EPB41L5: variants seen among roughly 807,000 people sequenced by gnomAD.
EPB41L5 encodes band 4.1-like protein 5.
EPB41L5 carries 55 observed loss-of-function variants against 106.6 expected under a neutral mutation model. The ratio of observed to expected loss-of-function variants is 0.52; its 90% CI spans 0.42 to 0.65. EPB41L5 has a LOEUF of 0.65. Ranked by LOEUF, EPB41L5 falls within the 30% of genes least tolerant of loss-of-function variation. The pLI is 0.00. For missense variants in EPB41L5, 871 were observed against 882.1 expected (o/e 0.99, Z 0.16); for synonymous variants, 297 against 306.7 (o/e 0.97, Z 0.33).
intron 21 of EPB41L5, among the ~76,000 whole-genome samples, chr2:120,162,484 A>G (rs1687177175): frequency 6.6e-6 from 1 of 152,208 alleles, no homozygotes; most frequent in Admixed American, 6.5e-5. Flanking sequence ...TATAGTTGGT[A>G]TTTAGGTATA....
intron 16 of EPB41L5, chr2:120,105,380 T>C: frequency 2.0e-6 from 2 of 979,644 alleles, no homozygotes; most frequent in Non-Finnish European, 1.2e-6. Context: ...TGAAGCTTCA[T>C]TATAAACAGC....
intron 20 of EPB41L5, among the ~76,000 whole-genome samples, chr2:120,154,771 A>C (rs953838929): frequency 2.0e-5 from 3 of 151,956 alleles, no homozygotes; most frequent in African/African-American, 7.2e-5. Flanking sequence ...CTAAAAATAC[A>C]AAATATTAGC....
In EPB41L5 at chr2:120,073,268, A is replaced by G. The variant is rs764301454; in HGVS notation, c.328+48A>G. 4 of 1,436,006 alleles carry G rather than the reference A, an allele frequency of 2.8e-6. No individual in the cohort carries two copies. The Admixed American group carries it at 6.4e-5, about 23-fold the overall frequency. The allele number at this position is 1,436,006 out of a possible 1,614,324, so 89.0% of individuals were successfully genotyped here. ...GTGGGGGGGAAAGGAAATAGAATAT[A>G]TTAGAAATTCTGATTTCTAATAGGA... On this transcript the variant is annotated intron_variant, in intron 4 of 24. Coordinates refer to ENST00000263713, the MANE Select transcript of EPB41L5 (RefSeq NM_020909.4).
Position 120,174,879 on chromosome 2 carries a change from A to C in EPB41L5, c.2174A>C (p.Gln725Pro). ...PILAEEAVLK[Q>P]KCLLTTEL ...TTGGCAGAAGAAGCTGTCCTGAAGC[A>C]GAAGTGTTTACTGACCACTGAGCTC... Residue 725 changes from glutamine to proline, a missense_variant, in exon 25 of 25, where the codon CAG (glutamine) becomes CCG (proline). By Grantham distance (76) the Gln-to-Pro change is moderately conservative. Transcript: ENST00000263713. 6.2e-7 allele frequency: 1 copy of C among 1,614,184 alleles called. No homozygotes were observed. Among genetic ancestry groups the C allele is most frequent in the African/African-American group, 1.3e-5 (1 of 75,042 alleles).
chr2:120,076,798 A>T (rs1682275992), intron 7 of EPB41L5, among the ~76,000 whole-genome samples, 173 bp from the exon 8 acceptor site: 2 of 152,124 alleles, frequency 1.3e-5, no homozygotes. Context: ...TAAATATGAG[A>T]TATATGTGTA....
intron 24 of EPB41L5, among the ~76,000 whole-genome samples, chr2:120,174,273 T>C (rs1300958653): frequency 1.3e-5 from 2 of 151,918 alleles, no homozygotes; most frequent in East Asian, 3.9e-4. Context: ...CTGGGCAACA[T>C]AGTGAAACCC....
At chr2:120,056,792 A>G (rs1426572725) in intron 3 of EPB41L5, among the ~76,000 whole-genome samples, 2 of 151,784 alleles carry the variant, frequency 1.3e-5, no homozygotes, top group East Asian at 1.9e-4. Flanking sequence ...TTCTTTCAAC[A>G]TTTGGTAGAA....
At chr2:120,015,886 G>A (rs1217357589) in intron 1 of EPB41L5, among the ~76,000 whole-genome samples, 1 of 149,234 alleles carries the variant, frequency 6.7e-6, no homozygotes, top group African/African-American at 2.5e-5. Context: ...TGAGCCCTGG[G>A]TGCTAGAGTG....
rs375754153 is a variant in EPB41L5 at position 120,061,031 on chromosome 2, G to GTTTTTTTTT, written c.286-12128_286-12120dup. Among the ~76,000 whole-genome samples, 113 of 69,124 alleles carry GTTTTTTTTT rather than the reference G, an allele frequency of 1.6e-3. 25 individuals carry two copies. The highest frequency in any genetic ancestry group is 4.2e-3 in the African/African-American group (71 of 16,856). 45.3% of individuals were successfully genotyped at this position (69,124 alleles called of 152,430 possible). A position where few individuals can be genotyped will look rare whatever the true frequency, so the allele number is the denominator to read the frequency against. On this transcript the variant is annotated intron_variant, in intron 3 of 24. Coordinates refer to ENST00000263713, the MANE Select transcript of EPB41L5 (RefSeq NM_020909.4). ...TTAGAATTTTAACTGGTTCAGGGAA[G>GTTTTTTTTT]TTTTTTTTTTTTTTTTTTTTTTTTT...
At chr2:120,033,322 A>T (rs1678837133) in intron 2 of EPB41L5, among the ~76,000 whole-genome samples, 1 of 152,224 alleles carries the variant, frequency 6.6e-6, no homozygotes, top group South Asian at 2.1e-4. Flanking sequence ...GACTCAATGA[A>T]GTTTTTTAAA....
chr2:120,133,832 C>T lies in EPB41L5; in HGVS notation c.1599+2117C>T, dbSNP rs945640154. On this transcript the variant is annotated intron_variant, in intron 18 of 24. Transcript: ENST00000263713. The stretch of plus-strand genomic sequence containing the variant: ...TCCCAGTCCCAGGCAGTGCAGCTTA[C>T]AGCTCTGGGAGAGACTTCTTCCACT... Among the ~76,000 whole-genome samples, 8 of 152,154 alleles carry T rather than the reference C, an allele frequency of 5.3e-5. 1 individual carries two copies. Among genetic ancestry groups the T allele is most frequent in the Admixed American group, 3.9e-4 (6 of 15,274 alleles).
chr2:120,090,339 T>A lies in EPB41L5; in HGVS notation c.874-8T>A, dbSNP rs753808062. 1 of 1,588,368 alleles carries A rather than the reference T, an allele frequency of 6.3e-7. No individual in the cohort carries two copies. Among genetic ancestry groups the A allele is most frequent in the Admixed American group, 1.9e-5 (1 of 53,350 alleles). On this transcript the variant is annotated splice_region_variant and splice_polypyrimidine_tract_variant and intron_variant, in intron 11 of 24. Coordinates refer to ENST00000263713, the MANE Select transcript of EPB41L5 (RefSeq NM_020909.4). ...AATCATCCTTTTATATATACTTTTC[T>A]TTTTCAGGGCAAAGAACAGGAACAT...
chr2:120,113,242 G>A (rs1684800840), intron 16 of EPB41L5, among the ~76,000 whole-genome samples: 1 of 152,174 alleles, frequency 6.6e-6, no homozygotes, highest in Admixed American at 6.5e-5. Flanking sequence ...GTATATATTA[G>A]TAAGTGCACG....
At chr2:120,134,280 T>C (rs981192719) in intron 18 of EPB41L5, among the ~76,000 whole-genome samples, 2 of 151,992 alleles carry the variant, frequency 1.3e-5, no homozygotes, top group South Asian at 4.1e-4. Flanking sequence ...TAAAATAAAG[T>C]ACTGAGTAGA....
Position 120,090,521 on chromosome 2 carries a change from A to C in EPB41L5, c.1043+5A>C, listed in dbSNP as rs1317780987. The C allele has an allele frequency of 6.2e-7, 1 of 1,605,776 alleles. No homozygotes were observed. The highest frequency in any genetic ancestry group is 2.2e-5 in the East Asian group (1 of 44,768). On this transcript the variant is annotated splice_donor_5th_base_variant and intron_variant, in intron 12 of 24. Transcript: ENST00000263713. ...AGGATCACGATTTAGATATAGGTTA[A>C]TTTTAATTGCTGTTTTATCTGTCTT...
chr2:120,132,272 T>C (rs900717346), intron 18 of EPB41L5, among the ~76,000 whole-genome samples: 2 of 152,186 alleles, frequency 1.3e-5, no homozygotes, highest in African/African-American at 4.8e-5. Context: ...TTGAATGAGA[T>C]GGAAATTTTA....
In EPB41L5 at chr2:120,091,562, A is replaced by T; in HGVS notation, c.1051A>T (p.Thr351Ser). 1 of 1,613,234 alleles carries T rather than the reference A, an allele frequency of 6.2e-7. No homozygotes were observed. ...LGSRFRYSGK[T>S]EYQTTKTNKA... ...CTGTTATGCCTCATTTAGTGGGAAA[A>T]CAGAGTATCAGACCACAAAAACCAA... The change falls in exon 13 of 25, where the codon ACA (threonine) becomes TCA (serine). Residue 351 changes from threonine to serine, a missense_variant. Transcript: ENST00000263713.
At chr2:120,089,658 T>C (rs1683285056) in intron 11 of EPB41L5, among the ~76,000 whole-genome samples, 1 of 152,146 alleles carries the variant, frequency 6.6e-6, no homozygotes, top group Non-Finnish European at 1.5e-5. Context: ...TACCAAGTTT[T>C]ACTATTATAA....
intron 2 of EPB41L5, among the ~76,000 whole-genome samples, chr2:120,027,995 T>C (rs2105157503): frequency 6.6e-6 from 1 of 152,120 alleles, no homozygotes; most frequent in East Asian, 1.9e-4. Context: ...TCCGAGTCAC[T>C]GGGATTACAG....
Sources: gnomAD v4.1 joint callset for allele counts (sites outside exome capture counted in the v4.1 genomes callset) on GRCh38, gnomAD v4.1.1 for gene constraint, MANE v1.5 for transcripts, NCBI Gene and HGNC (gene_info 2026-07-23, HGNC 2026-07-21) for gene names.